Variants in ZDHHC23 observed in about 807,000 individuals in gnomAD.
The protein encoded by ZDHHC23 is zDHHC palmitoyltransferase 23.
ZDHHC23 carries 41 observed loss-of-function variants against 40.2 expected under a neutral mutation model. That is an observed-to-expected ratio of 1.02 (90% CI 0.79 to 1.32). The LOEUF (loss-of-function observed/expected upper bound fraction) is 1.32, where lower values mean the gene tolerates loss of function less well. ZDHHC23 is among the 40% of genes most tolerant of loss of function. ZDHHC23 has a pLI of 0.00. For missense variants in ZDHHC23, 471 were observed against 541.5 expected (o/e 0.87, Z 1.29); for synonymous variants, 204 against 210.2 (o/e 0.97, Z 0.26).
chr3:113,948,445 C>G lies in ZDHHC23; in HGVS notation c.-117-241C>G, dbSNP rs1350708579. 5 of 248,684 alleles carry G rather than the reference C, an allele frequency of 2.0e-5. No individual in the cohort carries two copies. The East Asian group carries it at 4.3e-4, about 22-fold the overall frequency. The allele number at this position is 248,684 out of a possible 1,614,324, so 15.4% of individuals were successfully genotyped here. A position where few individuals can be genotyped will look rare whatever the true frequency, so the allele number is the denominator to read the frequency against. On this transcript the variant is annotated intron_variant, in intron 1 of 4. Transcript: ENST00000638807. ...CTTGGAGCGGAGACCGCTCGGCCCT[C>G]CCAGCCTGCACCCGCAGGTGAGCGC...
chr3:113,978,499 A>G, the ZDHHC23 span: 4 of 681,360 alleles, frequency 5.9e-6, no homozygotes, highest in Non-Finnish European at 9.6e-6. Context: ...TCTATAATGT[A>G]TCCTAAAAAT....
At chr3:113,978,447 A>T in the ZDHHC23 span, 3 of 1,041,606 alleles carry the variant, frequency 2.9e-6, no homozygotes. Context: ...GACACTAGAG[A>T]CATACAAAGA....
upstream of ZDHHC23, chr3:113,947,970 C>G (rs1483429281): frequency 6.8e-6 from 1 of 147,862 alleles, no homozygotes; most frequent in African/African-American, 2.4e-5. Flanking sequence ...TGGGACGGCG[C>G]GGGGAGGCGG....
rs762868340 is a variant in ZDHHC23 at position 113,948,817 on chromosome 3, C to G, written c.15C>G (p.Gly5=). 1 of 1,614,120 alleles carries G rather than the reference C, an allele frequency of 6.2e-7. No homozygotes were observed. Among genetic ancestry groups the G allele is most frequent in the South Asian group, 1.1e-5 (1 of 91,076 alleles). The change falls in exon 2 of 5, where the codon GGC becomes GGG. Residue 5 remains glycine, a synonymous_variant. Coordinates refer to ENST00000638807, the MANE Select transcript of ZDHHC23 (RefSeq NM_001320466.2). MTQK[G]SMKPVKKKKT... Reference sequence around the variant, plus strand: ...AGGTGCAAATCATGACACAGAAGGGCAGTATGAAGCCTGTGAAGAAAAAGA... The same window carrying G: ...AGGTGCAAATCATGACACAGAAGGGGAGTATGAAGCCTGTGAAGAAAAAGA...
downstream of ZDHHC23, among the ~76,000 whole-genome samples, chr3:113,967,218 C>CCA (rs1312704400): frequency 6.6e-6 from 1 of 152,194 alleles, no homozygotes; most frequent in Non-Finnish European, 1.5e-5. Flanking sequence ...GGGCACACTC[C>CCA]CAGTCCTTGA....
chr3:113,959,941 C>T lies in ZDHHC23; in HGVS notation c.*1311C>T. 1.0e-6 allele frequency: 1 copy of T among 995,548 alleles called. No individual in the cohort carries two copies. Among genetic ancestry groups the T allele is most frequent in the Non-Finnish European group, 1.2e-6 (1 of 833,214 alleles). 61.7% of individuals were successfully genotyped at this position (995,548 alleles called of 1,614,324 possible). On this transcript the variant is annotated 3_prime_UTR_variant, in exon 5 of 5. Transcript: ENST00000638807. ...GTATAAAAGATTAAATATTTATGTA[C>T]AATGGGTTGTTCTACTATAGAATTA... is the stretch of plus-strand genomic sequence containing the variant.
At chr3:113,970,520 T>G in the ZDHHC23 span, among the ~76,000 whole-genome samples, 3 of 152,242 alleles carry the variant, frequency 2.0e-5, no homozygotes, top group East Asian at 5.8e-4. Context: ...AGTATTATAT[T>G]GAATAAAAGT....
chr3:113,976,134 C>T, the ZDHHC23 span, among the ~76,000 whole-genome samples: 11 of 152,030 alleles, frequency 7.2e-5, no homozygotes, highest in African/African-American at 2.2e-4. Flanking sequence ...CAGTACATGC[C>T]GTTAATCCCA....
intron 1 of ZDHHC23, 126 bp from the exon 2 acceptor site, chr3:113,948,560 A>G (rs954846104): frequency 4.1e-5 from 17 of 413,256 alleles, no homozygotes; most frequent in Non-Finnish European, 6.2e-5. Flanking sequence ...CAGGCTGGGA[A>G]GGGGCGGTGA....
chr3:113,948,690 T>G lies in ZDHHC23; in HGVS notation c.-113T>G. The G allele has an allele frequency of 1.6e-6, 2 of 1,267,460 alleles. No individual in the cohort carries two copies. The highest frequency in any genetic ancestry group is 2.2e-6 in the Non-Finnish European group (2 of 909,098). The allele number at this position is 1,267,460 out of a possible 1,614,324, so 78.5% of individuals were successfully genotyped here. A position where few individuals can be genotyped will look rare whatever the true frequency, so the allele number is the denominator to read the frequency against. ...TTCTCATTTTTGATTGCTCAGGCGT[T>G]GGAGGTTAAGCAGAGAGAGAGAGGC... On this transcript the variant is annotated 5_prime_UTR_variant, in exon 2 of 5. Transcript: ENST00000638807.
downstream of ZDHHC23, among the ~76,000 whole-genome samples, chr3:113,966,288 T>C (rs78804708): frequency 8.7e-3 from 1,323 of 152,234 alleles, 31 homozygotes; most frequent in East Asian, 0.087. Flanking sequence ...TTTAAGTGAG[T>C]GTCTGTGCTG....
Position 113,959,691 on chromosome 3 carries a change from CT to C in ZDHHC23, c.*1063del. 9 of 1,126,084 alleles carry C rather than the reference CT, an allele frequency of 8.0e-6. No individual in the cohort carries two copies. The highest frequency in any genetic ancestry group is 1.0e-5 in the Non-Finnish European group (9 of 892,698). 69.8% of individuals were successfully genotyped at this position (1,126,084 alleles called of 1,614,324 possible). ...ATAGCACTAAATTGTGAAAATCAGC[CT>C]TCTGGCATTCACATTATTCTGGTAT... On this transcript the variant is annotated 3_prime_UTR_variant, in exon 5 of 5. Coordinates refer to ENST00000638807, the MANE Select transcript of ZDHHC23 (RefSeq NM_001320466.2).
chr3:113,978,124 G>C, the ZDHHC23 span: 1 of 1,577,594 alleles, frequency 6.3e-7, no homozygotes, highest in Non-Finnish European at 8.7e-7. Context: ...TGTAGGAGCA[G>C]AATATATTGC....
downstream of ZDHHC23, among the ~76,000 whole-genome samples, chr3:113,969,514 T>G (rs562780669): frequency 5.3e-5 from 8 of 152,192 alleles, no homozygotes; most frequent in Admixed American, 4.6e-4. Context: ...CCATTTGGAT[T>G]TGATTTTTGT....
rs139197760 is a variant in ZDHHC23 at position 113,954,022 on chromosome 3, C to T, written c.484C>T (p.Pro162Ser). The T allele has an allele frequency of 2.5e-6, 4 of 1,613,956 alleles. No individual in the cohort carries two copies. The African/African-American group carries it at 5.3e-5, about 22-fold the overall frequency. Reference protein sequence around the residue: ...MYYVFLQEVVPKGRVGPVQLA... With the variant: ...MYYVFLQEVVSKGRVGPVQLA... Reference sequence around the variant, plus strand: ...CTATGTGTTCCTGCAGGAAGTGGTCCCCAAAGGGCGTGTGGGTCCCGTTCA... The same window carrying T: ...CTATGTGTTCCTGCAGGAAGTGGTCTCCAAAGGGCGTGTGGGTCCCGTTCA... Residue 162 changes from proline (P) to serine (S), a missense_variant, in exon 3 of 5, where the codon CCC (proline) becomes TCC (serine). By Grantham distance (74) the Pro-to-Ser change is moderately conservative. Coordinates refer to ENST00000638807, the MANE Select transcript of ZDHHC23 (RefSeq NM_001320466.2).
At chr3:113,971,674 AAT>A in the ZDHHC23 span, among the ~76,000 whole-genome samples, 2 of 152,022 alleles carry the variant, frequency 1.3e-5, no homozygotes, top group African/African-American at 4.8e-5. Flanking sequence ...GTATCAGGCT[AAT>A]GCTGGCCTGA....
chr3:113,964,143 T>TA (rs59647151), downstream of ZDHHC23: 6 of 152,300 alleles, frequency 3.9e-5, no homozygotes, highest in Admixed American at 3.9e-4. Context: ...AACATTCACT[T>TA]AAAAAACCAC....
downstream of ZDHHC23, among the ~76,000 whole-genome samples, chr3:113,966,802 TTTAA>T (rs1940220731): frequency 6.6e-6 from 1 of 151,950 alleles, no homozygotes; most frequent in East Asian, 1.9e-4. Context: ...GAGGTACTGC[TTTAA>T]AAAAAGGCAT....
the ZDHHC23 span, chr3:113,978,882 C>T: frequency 6.2e-7 from 1 of 1,614,006 alleles, no homozygotes. Context: ...GGATGACTCT[C>T]TTAAGCAGTA....
Sources: allele counts gnomAD v4.1 joint callset (sites outside exome capture counted in the v4.1 genomes callset), GRCh38; gene constraint gnomAD v4.1.1; transcripts MANE v1.5; gene names NCBI Gene and HGNC (gene_info 2026-07-23, HGNC 2026-07-21).